The following TRAPPC9 variants were observed in gnomAD, a reference collection of about 807,000 sequenced individuals.
TRAPPC9 encodes trafficking protein particle complex subunit 9, also known as IKK2 binding protein.
In TRAPPC9, 83 loss-of-function variants were observed where a neutral mutation model predicts 124.0. That is an observed-to-expected ratio of 0.67 (90% CI 0.56 to 0.80). The LOEUF is 0.80. Among genes scored for constraint, TRAPPC9 ranks in the 30% least tolerant of loss-of-function variants. The pLI is 0.00. For missense variants in TRAPPC9, 1,302 were observed against 1,508.3 expected (o/e 0.86, Z 2.27); for synonymous variants, 638 against 617.5 (o/e 1.03, Z -0.49).
chr8:140,107,155 C>G (rs1377566076), intron 17 of TRAPPC9, among the ~76,000 whole-genome samples: 1 of 152,142 alleles, frequency 6.6e-6, no homozygotes, highest in African/African-American at 2.4e-5. Flanking sequence ...TTGAAACCAC[C>G]ACCAGGAGCA....
intron 17 of TRAPPC9, among the ~76,000 whole-genome samples, chr8:140,184,999 A>G (rs1211043747): frequency 1.3e-5 from 2 of 152,210 alleles, no homozygotes; most frequent in Non-Finnish European, 2.9e-5. Context: ...TCTTAAGTTC[A>G]TGATACCAGT....
intron 18 of TRAPPC9, among the ~76,000 whole-genome samples, chr8:140,002,434 G>A (rs1405422722): frequency 6.6e-6 from 1 of 151,914 alleles, no homozygotes; most frequent in Non-Finnish European, 1.5e-5. Flanking sequence ...CAAAATCCTA[G>A]AATGACACTG....
At chr8:140,221,828 G>A (rs1479805965) in intron 16 of TRAPPC9, among the ~76,000 whole-genome samples, 1 of 152,182 alleles carries the variant, frequency 6.6e-6, no homozygotes, top group African/African-American at 2.4e-5. Flanking sequence ...GGTAGAGGTG[G>A]GGTTTCACCA....
intron 19 of TRAPPC9, chr8:139,911,418 T>C (rs1036665058): frequency 6.6e-6 from 1 of 151,868 alleles, no homozygotes; most frequent in African/African-American, 2.4e-5. Context: ...TGGATAAGAG[T>C]AGGCGTTTTG....
intron 21 of TRAPPC9, among the ~76,000 whole-genome samples, chr8:139,854,880 G>T (rs1041260833): frequency 6.6e-6 from 1 of 152,152 alleles, no homozygotes; most frequent in Non-Finnish European, 1.5e-5. Context: ...GAAGCACACT[G>T]GCCTGCTCAT....
chr8:139,863,843 T>C (rs1411296207), intron 21 of TRAPPC9, among the ~76,000 whole-genome samples: 1 of 152,138 alleles, frequency 6.6e-6, no homozygotes, highest in Admixed American at 6.5e-5. Flanking sequence ...CGGGAGGGGA[T>C]ATGGAGCGGG....
At chr8:140,243,643 A>G (rs939783954) in intron 16 of TRAPPC9, among the ~76,000 whole-genome samples, 6 of 152,226 alleles carry the variant, frequency 3.9e-5, no homozygotes, top group Non-Finnish European at 8.8e-5. Context: ...GATGACTTAA[A>G]GGACCAGGTT....
At chr8:140,102,473 C>CCACACA (rs60084618) in intron 17 of TRAPPC9, among the ~76,000 whole-genome samples, 6 of 149,290 alleles carry the variant, frequency 4.0e-5, no homozygotes, top group African/African-American at 7.3e-5. Context: ...CCTCCCCCCA[C>CCACACA]CACACACACA....
intron 19 of TRAPPC9, among the ~76,000 whole-genome samples, chr8:139,980,021 G>A (rs1836782080): frequency 6.7e-6 from 1 of 148,864 alleles, no homozygotes; most frequent in African/African-American, 2.5e-5. Flanking sequence ...TGCCCCTCGA[G>A]AGTTTTCTGT....
intron 17 of TRAPPC9, among the ~76,000 whole-genome samples, chr8:140,152,308 A>T (rs1749808918): frequency 6.9e-6 from 1 of 144,616 alleles, no homozygotes; most frequent in Non-Finnish European, 1.5e-5. Flanking sequence ...TGAGCTTTTG[A>T]TAGAGAATGC....
intron 5 of TRAPPC9, among the ~76,000 whole-genome samples, chr8:140,413,154 C>A (rs780257202): frequency 1.3e-5 from 2 of 151,994 alleles, no homozygotes; most frequent in Non-Finnish European, 2.9e-5. Flanking sequence ...TTTGGGAGGC[C>A]GAGGCAGGTA....
chr8:140,312,792 C>T (rs1023115261), intron 9 of TRAPPC9, among the ~76,000 whole-genome samples: 1 of 144,456 alleles, frequency 6.9e-6, no homozygotes, highest in African/African-American at 2.6e-5. Flanking sequence ...CAGGATCTCA[C>T]TCTGTCTCCC....
chr8:140,443,270 C>T (rs1395507360), intron 2 of TRAPPC9, among the ~76,000 whole-genome samples: 1 of 148,722 alleles, frequency 6.7e-6, no homozygotes, highest in East Asian at 2.0e-4. Flanking sequence ...CCCGTCTCTA[C>T]TAAAAAATAC....
At chr8:140,303,019 T>C (rs2066027074) in intron 10 of TRAPPC9, among the ~76,000 whole-genome samples, 4 of 152,176 alleles carry the variant, frequency 2.6e-5, no homozygotes, top group Admixed American at 6.5e-5. Flanking sequence ...AACACAGTCA[T>C]GGAGGCTGCA....
intron 19 of TRAPPC9, among the ~76,000 whole-genome samples, chr8:139,955,006 G>A (rs926633564): frequency 2.6e-5 from 4 of 152,086 alleles, no homozygotes; most frequent in Admixed American, 6.5e-5. Flanking sequence ...TTGGAAAAGC[G>A]GTTTCACAGA....
chr8:140,071,805 C>T (rs890006926), intron 17 of TRAPPC9, among the ~76,000 whole-genome samples: 1 of 152,164 alleles, frequency 6.6e-6, no homozygotes, highest in African/African-American at 2.4e-5. Flanking sequence ...ATTGTTAAGA[C>T]AAAAGTAGCT....
rs1207453509 is a variant in TRAPPC9 at position 140,424,349 on chromosome 8, TA to T, written c.886+2265del. ...TACACGAAATGTTTAGAAATTAAAT[TA>T]AAAAAAAAAAAGATGCCAGGCACAG... On this transcript the variant is annotated intron_variant, in intron 5 of 22. Transcript: ENST00000438773. 1.7e-3 allele frequency among the ~76,000 whole-genome samples: 246 copies of T among 142,868 alleles called. 1 individual carries two copies. Among genetic ancestry groups the T allele is most frequent in the Middle Eastern group, 3.6e-3 (1 of 280 alleles). The allele number at this position is 142,868 out of a possible 152,430, so 93.7% of individuals were successfully genotyped here. A position where few individuals can be genotyped will look rare whatever the true frequency, so the allele number is the denominator to read the frequency against.
At chr8:140,381,238 G>T (rs1182198636) in intron 7 of TRAPPC9, among the ~76,000 whole-genome samples, 1 of 149,308 alleles carries the variant, frequency 6.7e-6, no homozygotes. Context: ...AAAAGAAAAA[G>T]AAAGAAAGTG....
intron 21 of TRAPPC9, among the ~76,000 whole-genome samples, chr8:139,751,744 T>C (rs1819321678): frequency 6.7e-6 from 1 of 149,412 alleles, no homozygotes; most frequent in Admixed American, 6.7e-5. Context: ...CATCCATCCA[T>C]CCATCCATCC....
Sources: allele counts gnomAD v4.1 joint callset (sites outside exome capture counted in the v4.1 genomes callset), GRCh38; gene constraint gnomAD v4.1.1; transcripts MANE v1.5; gene names NCBI Gene and HGNC (gene_info 2026-07-23, HGNC 2026-07-21).